Variants in NUP210 observed in about 807,000 individuals in gnomAD.
NUP210 encodes the protein nuclear pore membrane glycoprotein 210.
Under a neutral mutation model 196.0 loss-of-function variants are expected in NUP210, and 151 were observed. The ratio of observed to expected loss-of-function variants is 0.77; its 90% CI spans 0.67 to 0.88. The LOEUF (loss-of-function observed/expected upper bound fraction) is 0.88. Ranked by LOEUF, NUP210 falls within the 40% of genes least tolerant of loss-of-function variation. The probability of loss-of-function intolerance (pLI) is 0.00; values close to 1 mark genes in which losing one functional copy is unlikely to be tolerated. For synonymous variants in NUP210, 1,070 were observed against 1,052.7 expected (o/e 1.02, Z -0.32); for missense variants, 2,314 against 2,493.7 (o/e 0.93, Z 1.53).
intron 28 of NUP210, among the ~76,000 whole-genome samples, chr3:13,334,482 G>A (rs940622255): frequency 6.6e-6 from 1 of 152,106 alleles, no homozygotes; most frequent in African/African-American, 2.4e-5. Flanking sequence ...GGGTTTTTTT[G>A]TGGGTGTTTC....
chr3:13,320,054 G>C, intron 36 of NUP210, 75 bp from the exon 37 acceptor site: 1 of 1,347,838 alleles, frequency 7.4e-7, no homozygotes, highest in Non-Finnish European at 1.0e-6. Context: ...TCAGGACCCC[G>C]AGGCGGGAGG....
At chr3:13,395,940 C>A (rs1011176256) in intron 3 of NUP210, among the ~76,000 whole-genome samples, 2 of 152,198 alleles carry the variant, frequency 1.3e-5, no homozygotes, top group African/African-American at 4.8e-5. Context: ...TGAGTACTCA[C>A]GCAAGACCGA....
At chr3:13,404,458 G>A (rs550125603) in intron 1 of NUP210, among the ~76,000 whole-genome samples, 2 of 152,196 alleles carry the variant, frequency 1.3e-5, no homozygotes, top group Non-Finnish European at 2.9e-5. Context: ...TAGGAATATG[G>A]GTATTCATTA....
chr3:13,340,101 A>G lies in NUP210; in HGVS notation c.3292-68T>C. 6.2e-7 allele frequency: 1 copy of G among 1,601,374 alleles called. No individual in the cohort carries two copies. The highest frequency in any genetic ancestry group is 1.1e-5 in the South Asian group (1 of 90,134). ...CAGGCAGCCCGCACCTCCCACTCAG[A>G]GAGCCAGGGCCCCAGTGCAGGCAGC... On this transcript the variant is annotated intron_variant, in intron 24 of 39. Transcript: ENST00000254508. The surrounding 1 kb of genome is among the most constrained non-coding windows in gnomAD (Gnocchi z 4.0).
At chr3:13,361,669 T>C (rs4684930) in intron 14 of NUP210, among the ~76,000 whole-genome samples, 94,559 of 151,996 alleles carry the variant, frequency 0.62, 31,030 homozygotes, top group African/African-American at 0.85. Flanking sequence ...GTCTGCTCCC[T>C]GCTAGACCCA....
chr3:13,412,259 G>C (rs1308735034), intron 1 of NUP210, among the ~76,000 whole-genome samples: 1 of 113,982 alleles, frequency 8.8e-6, no homozygotes, highest in Admixed American at 8.9e-5. Context: ...GTAGAGACAG[G>C]GTTTCGCTAT....
At chr3:13,328,543 C>T (rs1345544765) in intron 31 of NUP210, among the ~76,000 whole-genome samples, 1 of 152,234 alleles carries the variant, frequency 6.6e-6, no homozygotes, top group Non-Finnish European at 1.5e-5. Context: ...CCTGTTTCCT[C>T]CTTTGGGGGC....
Position 13,373,812 on chromosome 3 carries a change from G to A in NUP210, c.1493C>T (p.Thr498Ile), listed in dbSNP as rs1445155648. 13 of 1,614,148 alleles carry A rather than the reference G, an allele frequency of 8.1e-6. No homozygotes were observed. The highest frequency in any genetic ancestry group is 1.1e-5 in the Non-Finnish European group (13 of 1,179,990). Residue 498 changes from threonine (T) to isoleucine (I), a missense_variant, in exon 12 of 40, where the codon ACT (threonine) becomes ATT (isoleucine). Transcript: ENST00000254508. ...GCCTGTGGTCATCACGCCCTTGACAGTAACTGTGGCAACCAGGTGGCTTGA... is the reference window on the plus strand; with the variant it reads ...GCCTGTGGTCATCACGCCCTTGACAATAACTGTGGCAACCAGGTGGCTTGA... ...SSSSHLVATV[T>I]VKGVMTTGSD...
intron 12 of NUP210, among the ~76,000 whole-genome samples, chr3:13,372,984 C>T (rs1226863129): frequency 6.6e-6 from 1 of 152,206 alleles, no homozygotes; most frequent in Non-Finnish European, 1.5e-5. Context: ...AGCCCCCTCT[C>T]CATGAGAATC....
chr3:13,371,811 C>T, intron 13 of NUP210, 23 bp downstream of exon 13: 1 of 1,583,696 alleles, frequency 6.3e-7, no homozygotes, highest in Non-Finnish European at 8.6e-7. Context: ...GTATCTGGCA[C>T]CTGCTCAGCA....
At chr3:13,412,179 G>A (rs1014244955) in intron 1 of NUP210, among the ~76,000 whole-genome samples, 2 of 151,424 alleles carry the variant, frequency 1.3e-5, no homozygotes, top group Non-Finnish European at 2.9e-5. Context: ...TCAGCCTCAG[G>A]AGTAGCTGGG....
At chr3:13,355,521 A>G (rs1397905800) in intron 16 of NUP210, among the ~76,000 whole-genome samples, 1 of 152,224 alleles carries the variant, frequency 6.6e-6, no homozygotes. Flanking sequence ...ATGTGAAGCT[A>G]CGGGATGTGG....
intron 1 of NUP210, among the ~76,000 whole-genome samples, chr3:13,415,494 G>C (rs1333076108): frequency 6.6e-6 from 1 of 152,192 alleles, no homozygotes; most frequent in Non-Finnish European, 1.5e-5. Context: ...GAAGGAGACA[G>C]AGATTTGGCC....
At chr3:13,328,066 T>C (rs1043060294) in intron 31 of NUP210, among the ~76,000 whole-genome samples, 5 of 152,214 alleles carry the variant, frequency 3.3e-5, no homozygotes, top group Admixed American at 3.3e-4. Context: ...CCCTGAGTGC[T>C]GACTAGGTCT....
At chr3:13,359,955 G>A (rs1239990082) in intron 15 of NUP210, among the ~76,000 whole-genome samples, 6 of 152,232 alleles carry the variant, frequency 3.9e-5, no homozygotes, top group African/African-American at 1.4e-4. Context: ...CATTGGACTT[G>A]TGACCCCCGA....
At chr3:13,329,852 G>C (rs1348537953) in intron 30 of NUP210, among the ~76,000 whole-genome samples, 1 of 152,220 alleles carries the variant, frequency 6.6e-6, no homozygotes, top group Non-Finnish European at 1.5e-5. Flanking sequence ...GCAGTGCCAT[G>C]ATATGGCAGA....
At position 13,397,254 on chromosome 3, in the gene NUP210, G is replaced by A. The variant is rs1473448862; in HGVS notation, c.436+103C>T. On this transcript the variant is annotated intron_variant, in intron 3 of 39. Coordinates refer to ENST00000254508, the MANE Select transcript of NUP210 (RefSeq NM_024923.4). ...AGAGCTGCCCTCTAGGGACCTGCAG[G>A]GTTGGATGCCAGAGGAGTGGGGAAT... 4 of 1,393,698 alleles carry A rather than the reference G, an allele frequency of 2.9e-6. No homozygotes were observed. In the African/African-American group the frequency reaches 4.4e-5, roughly 16 times the overall value. 86.3% of individuals were successfully genotyped at this position (1,393,698 alleles called of 1,614,324 possible).
intron 20 of NUP210, 36 bp from the exon 21 acceptor site, chr3:13,343,339 T>TGGGGGGGGTGGG: frequency 8.1e-5 from 23 of 282,456 alleles, no homozygotes; most frequent in Middle Eastern, 4.6e-4. Context: ...GGGTGGGTGG[T>TGGGGGGGGTGGG]GGGTTACGCA....
At chr3:13,406,432 C>G (rs1355494858) in intron 1 of NUP210, among the ~76,000 whole-genome samples, 1 of 152,202 alleles carries the variant, frequency 6.6e-6, no homozygotes, top group African/African-American at 2.4e-5. Context: ...CCAGTACAGG[C>G]TCTGGGCCAT....
Sources: allele counts gnomAD v4.1 joint callset (sites outside exome capture counted in the v4.1 genomes callset), GRCh38; gene constraint gnomAD v4.1.1; non-coding constraint Gnocchi (gnomAD v3.1); transcripts MANE v1.5; gene names NCBI Gene and HGNC (gene_info 2026-07-23, HGNC 2026-07-21).